The following BTBD9 variants were observed in gnomAD, a reference collection of about 807,000 sequenced individuals.
BTBD9 encodes the protein BTB/POZ domain-containing protein 9.
Under a neutral mutation model 64.3 loss-of-function variants are expected in BTBD9, and 49 were observed. The ratio of observed to expected loss-of-function variants is 0.76; its 90% CI spans 0.61 to 0.97. The LOEUF is 0.97. Ranked by LOEUF, BTBD9 falls within the 50% of genes least tolerant of loss-of-function variation. BTBD9 has a pLI of 0.00. For missense variants in BTBD9, 598 were observed against 762.1 expected, an observed-to-expected ratio of 0.78 and a Z score of 2.53; for synonymous variants, 260 against 274.7, an observed-to-expected ratio of 0.95 and a Z score of 0.53.
chr6:38,576,828 G>C (rs1776057392), intron 6 of BTBD9, among the ~76,000 whole-genome samples: 1 of 152,122 alleles, frequency 6.6e-6, no homozygotes, highest in South Asian at 2.1e-4. Flanking sequence ...CAAAATTTTG[G>C]GGGCCTTTAA....
intron 6 of BTBD9, among the ~76,000 whole-genome samples, chr6:38,393,510 T>TA (rs145278111): frequency 1.1e-3 from 167 of 147,150 alleles, no homozygotes; most frequent in Middle Eastern, 3.6e-3. Flanking sequence ...CTTGGTCTAA[T>TA]AAAAAAAAAA....
intron 6 of BTBD9, among the ~76,000 whole-genome samples, chr6:38,459,633 A>C (rs1769982904): frequency 6.6e-6 from 1 of 152,188 alleles, no homozygotes; most frequent in African/African-American, 2.4e-5. Context: ...CAGATGTGTA[A>C]TGTCAACAAG....
At chr6:38,445,920 T>G (rs927041602) in intron 6 of BTBD9, among the ~76,000 whole-genome samples, 1 of 152,150 alleles carries the variant, frequency 6.6e-6, no homozygotes, top group African/African-American at 2.4e-5. Flanking sequence ...CAAGTACTGC[T>G]GAAAAGGAAA....
At chr6:38,268,070 T>C (rs1765075177) in intron 8 of BTBD9, among the ~76,000 whole-genome samples, 1 of 152,238 alleles carries the variant, frequency 6.6e-6, no homozygotes, top group African/African-American at 2.4e-5. Flanking sequence ...CTTATTCCTG[T>C]ACAATATCTT....
intron 9 of BTBD9, among the ~76,000 whole-genome samples, chr6:38,227,834 T>C (rs1021262136): frequency 1.3e-5 from 2 of 152,230 alleles, no homozygotes; most frequent in African/African-American, 4.8e-5. Flanking sequence ...CAATGGGCAC[T>C]TCTGGAATGC....
intron 7 of BTBD9, among the ~76,000 whole-genome samples, chr6:38,314,297 G>A (rs1240480817): frequency 6.6e-6 from 1 of 151,654 alleles, no homozygotes; most frequent in Non-Finnish European, 1.5e-5. Context: ...CCGGGTTCAC[G>A]CCATTCTCCT....
intron 6 of BTBD9, among the ~76,000 whole-genome samples, chr6:38,498,586 G>C (rs886455396): frequency 5.3e-5 from 8 of 151,988 alleles, no homozygotes; most frequent in African/African-American, 1.9e-4. Flanking sequence ...GCCTGGGCAA[G>C]TCACAAAGCC....
chr6:38,363,759 G>A (rs1012529869), intron 6 of BTBD9, among the ~76,000 whole-genome samples: 11 of 152,340 alleles, frequency 7.2e-5, no homozygotes, highest in African/African-American at 2.4e-4. Flanking sequence ...ATTACTGGGA[G>A]TAATGGGAAG....
chr6:38,451,394 G>T (rs1400105989), intron 6 of BTBD9, among the ~76,000 whole-genome samples: 1 of 152,126 alleles, frequency 6.6e-6, no homozygotes, highest in Admixed American at 6.5e-5. Flanking sequence ...TAGACAAGAA[G>T]GTCTGATAAA....
At position 38,226,721 on chromosome 6, in the gene BTBD9, T is replaced by A. The variant is rs1763403676; in HGVS notation, c.1562+29688A>T. Among the ~76,000 whole-genome samples, 6 of 152,216 alleles carry A rather than the reference T, an allele frequency of 3.9e-5. No individual in the cohort carries two copies. The South Asian group carries it at 1.2e-3, about 31-fold the overall frequency. On this transcript the variant is annotated intron_variant, in intron 9 of 10. Transcript: ENST00000481247. ...AACACTTAAATCTCAAGGTGCTTGC[T>A]CAGGGGTGAGGACAGGTGTGTACAC...
intron 7 of BTBD9, among the ~76,000 whole-genome samples, chr6:38,331,081 C>A (rs1177464438): frequency 6.6e-6 from 1 of 152,074 alleles, no homozygotes; most frequent in Non-Finnish European, 1.5e-5. Context: ...TGCAAAAAGG[C>A]AACATACACA....
chr6:38,585,633 G>A (rs1020652488), intron 4 of BTBD9, among the ~76,000 whole-genome samples: 1 of 152,078 alleles, frequency 6.6e-6, no homozygotes, highest in African/African-American at 2.4e-5. Context: ...AAGTATTAAA[G>A]GTTCACTGTT....
At chr6:38,516,182 G>C (rs1773013917) in intron 6 of BTBD9, among the ~76,000 whole-genome samples, 1 of 152,034 alleles carries the variant, frequency 6.6e-6, no homozygotes, top group Admixed American at 6.6e-5. Flanking sequence ...GTAAATGAAA[G>C]AGGAAAGTGA....
intron 6 of BTBD9, among the ~76,000 whole-genome samples, chr6:38,362,877 T>C (rs1427327737): frequency 6.6e-6 from 1 of 152,080 alleles, no homozygotes; most frequent in Non-Finnish European, 1.5e-5. Flanking sequence ...AGATAAAAAT[T>C]CCTCTCTAGA....
chr6:38,518,432 G>C (rs527985171), intron 6 of BTBD9, among the ~76,000 whole-genome samples: 1 of 152,316 alleles, frequency 6.6e-6, no homozygotes, highest in South Asian at 2.1e-4. Flanking sequence ...ATTGTGTATG[G>C]AGATCTCTAG....
At chr6:38,635,032 G>A (rs1328113423) in intron 1 of BTBD9, among the ~76,000 whole-genome samples, 1 of 152,102 alleles carries the variant, frequency 6.6e-6, no homozygotes, top group Non-Finnish European at 1.5e-5. Flanking sequence ...CTGGGAACTT[G>A]TTCAAAAATG....
intron 1 of BTBD9, among the ~76,000 whole-genome samples, chr6:38,628,400 T>C (rs1279187429): frequency 6.6e-6 from 1 of 152,202 alleles, no homozygotes; most frequent in Admixed American, 6.5e-5. Context: ...AACCTCTAGT[T>C]AGTGGGTTTC....
At chr6:38,183,284 T>C (rs1761659443) in intron 10 of BTBD9, among the ~76,000 whole-genome samples, 1 of 152,112 alleles carries the variant, frequency 6.6e-6, no homozygotes, top group Admixed American at 6.5e-5. Flanking sequence ...GCCTAAAAGG[T>C]CTTCTTTTAT....
rs70981549 is a variant in BTBD9 at position 38,416,501 on chromosome 6, A to AT, written c.1155-71409dup. ...AGGTGCCCGCCACCATGCCCAGCTA[A>AT]TTTTTTTTTTTTTTTTTTTTTTTTA... On this transcript the variant is annotated intron_variant, in intron 6 of 10. Coordinates refer to ENST00000481247, the MANE Select transcript of BTBD9 (RefSeq NM_001099272.2). Among the ~76,000 whole-genome samples, 76 of 86,758 alleles carry AT rather than the reference A, an allele frequency of 8.8e-4. 1 individual carries two copies. Among genetic ancestry groups the AT allele is most frequent in the African/African-American group, 3.2e-3 (68 of 21,008 alleles). The allele number at this position is 86,758 out of a possible 152,430, so 56.9% of individuals were successfully genotyped here.
Sources: gnomAD v4.1 joint callset for allele counts (sites outside exome capture counted in the v4.1 genomes callset) on GRCh38, gnomAD v4.1.1 for gene constraint, MANE v1.5 for transcripts, NCBI Gene and HGNC (gene_info 2026-07-23, HGNC 2026-07-21) for gene names.